The following GALNT2 variants were observed in gnomAD, a reference collection of about 807,000 sequenced individuals.
GALNT2 encodes the protein polypeptide N-acetylgalactosaminyltransferase 2.
Under a neutral mutation model 81.4 loss-of-function variants are expected in GALNT2, and 31 were observed. The ratio of observed to expected loss-of-function variants is 0.38; its 90% CI spans 0.29 to 0.51. The LOEUF is 0.51. GALNT2 is among the 20% of genes least tolerant of loss of function. GALNT2 has a pLI of 0.87. For synonymous variants in GALNT2, 303 were observed against 287.4 expected (o/e 1.05, Z -0.55); for missense variants, 629 against 765.7 (o/e 0.82, Z 2.11).
At chr1:230,208,470 G>A (rs147716346) in intron 3 of GALNT2, among the ~76,000 whole-genome samples, 1 of 152,286 alleles carries the variant, frequency 6.6e-6, no homozygotes, top group East Asian at 1.9e-4. Context: ...TGTTTTGTAG[G>A]TGGTGGGATA....
At chr1:230,062,530 C>T (rs1366319981), upstream of GALNT2, among the ~76,000 whole-genome samples, 2 of 152,218 alleles carry the variant, frequency 1.3e-5, no homozygotes, top group African/African-American at 4.8e-5. Flanking sequence ...CTTCCTCAAG[C>T]CCCTGGTGAC....
Position 230,193,845 on chromosome 1 carries a change from C to T in GALNT2, c.221-9292C>T, listed in dbSNP as rs1269915934. ...CGCTGTCTGGCTGTGTCTCTGGCTGCAGCCAGGTCCTAGAGTGTCAGCCAC... is the reference window on the plus strand; with the variant it reads ...CGCTGTCTGGCTGTGTCTCTGGCTGTAGCCAGGTCCTAGAGTGTCAGCCAC... On this transcript the variant is annotated intron_variant, in intron 2 of 15. Transcript: ENST00000366672. This position sits in a 1 kb window ranked among gnomAD's most constrained non-coding sequence, Gnocchi z 4.3. 6.6e-6 allele frequency among the ~76,000 whole-genome samples: 1 copy of T among 152,170 alleles called. No homozygotes were observed. Among genetic ancestry groups the T allele is most frequent in the Non-Finnish European group, 1.5e-5 (1 of 68,030 alleles).
intron 1 of GALNT2, among the ~76,000 whole-genome samples, chr1:230,100,212 T>C (rs1660361122): frequency 6.6e-6 from 1 of 152,032 alleles, no homozygotes; most frequent in Admixed American, 6.5e-5. Flanking sequence ...CTAATATTTC[T>C]CAAATGGCTC....
At chr1:230,062,985 C>A (rs984206616), upstream of GALNT2, among the ~76,000 whole-genome samples, 1 of 152,092 alleles carries the variant, frequency 6.6e-6, no homozygotes, top group Admixed American at 6.6e-5. Context: ...ACATCCTCAC[C>A]AACACTTGTT....
At chr1:230,227,054 CAGATATA>C in intron 3 of GALNT2, among the ~76,000 whole-genome samples, 1 of 141,650 alleles carries the variant, frequency 7.1e-6, no homozygotes, top group Admixed American at 6.7e-5. Context: ...TGTAAAAAAG[CAGATATA>C]ACTAAGATCA....
At chr1:230,211,015 T>C (rs370365081) in intron 3 of GALNT2, among the ~76,000 whole-genome samples, 6 of 152,176 alleles carry the variant, frequency 3.9e-5, no homozygotes, top group African/African-American at 1.4e-4. Context: ...GACTCAGAGT[T>C]TTCTTTTTAG....
chr1:230,221,282 C>T (rs959943497), intron 3 of GALNT2, among the ~76,000 whole-genome samples: 1 of 152,124 alleles, frequency 6.6e-6, no homozygotes, highest in South Asian at 2.1e-4. Context: ...TTAGCTAGCT[C>T]TCTGGTAATG....
Position 230,257,681 on chromosome 1 carries a change from A to G in GALNT2, c.1136+2337A>G, listed in dbSNP as rs577619089. Among the ~76,000 whole-genome samples, 5 of 152,310 alleles carry G rather than the reference A, an allele frequency of 3.3e-5. No homozygotes were observed. In the East Asian group the frequency reaches 7.7e-4, roughly 24 times the overall value. On this transcript the variant is annotated intron_variant, in intron 11 of 15. Coordinates refer to ENST00000366672, the MANE Select transcript of GALNT2 (RefSeq NM_004481.5). The surrounding 1 kb of genome is among the most constrained non-coding windows in gnomAD (Gnocchi z 4.6). Reference sequence around the variant, plus strand: ...GGTTGTATCCCTCTCATTAAGCAGCACCTGGCTGTACCTGGAGCAGGTGTG... The same window carrying G: ...GGTTGTATCCCTCTCATTAAGCAGCGCCTGGCTGTACCTGGAGCAGGTGTG...
At chr1:230,108,249 C>A (rs756057801) in intron 1 of GALNT2, among the ~76,000 whole-genome samples, 13 of 152,156 alleles carry the variant, frequency 8.5e-5, no homozygotes, top group East Asian at 1.9e-4. Flanking sequence ...TAATAAAGTT[C>A]TCCTAGGAAG....
intron 1 of GALNT2, among the ~76,000 whole-genome samples, chr1:230,075,401 G>T (rs1659512698): frequency 6.6e-6 from 1 of 152,110 alleles, no homozygotes; most frequent in South Asian, 2.1e-4. Context: ...GATTACAGGC[G>T]TGAGCCACCG....
At chr1:230,213,222 T>C (rs966343001) in intron 3 of GALNT2, among the ~76,000 whole-genome samples, 1 of 152,238 alleles carries the variant, frequency 6.6e-6, no homozygotes, top group Admixed American at 6.5e-5. Context: ...CAAGAAACTG[T>C]AGTCTTCCCG....
At chr1:230,185,303 C>CGT (rs1558129486) in intron 2 of GALNT2, among the ~76,000 whole-genome samples, 30 of 71,356 alleles carry the variant, frequency 4.2e-4, no homozygotes, top group African/African-American at 1.6e-3. Context: ...TGTGTGTGTG[C>CGT]GCGCGTGTGT....
chr1:230,265,433 T>C lies in GALNT2; in HGVS notation c.1440+66T>C, dbSNP rs1236919156. 13 of 1,602,926 alleles carry C rather than the reference T, an allele frequency of 8.1e-6. No homozygotes were observed. The Admixed American group carries it at 1.8e-4, about 23-fold the overall frequency. On this transcript the variant is annotated intron_variant, in intron 14 of 15. Coordinates refer to ENST00000366672, the MANE Select transcript of GALNT2 (RefSeq NM_004481.5). The stretch of plus-strand genomic sequence containing the variant: ...AGAGCAGGAGTTGGGGGGGTCCTGA[T>C]GTTAGAAGTCCCAGCTGCCACCTTT...
intron 1 of GALNT2, among the ~76,000 whole-genome samples, chr1:230,130,032 C>T (rs570033506): frequency 6.6e-6 from 1 of 152,378 alleles, no homozygotes; most frequent in Non-Finnish European, 1.5e-5. Context: ...CATGTTCTTA[C>T]TTGTAGAACG....
At chr1:230,124,584 G>A (rs1163180813) in intron 1 of GALNT2, among the ~76,000 whole-genome samples, 2 of 152,322 alleles carry the variant, frequency 1.3e-5, no homozygotes, top group East Asian at 3.8e-4. Context: ...TTTGGAGGAG[G>A]CAGGCAGCAC....
chr1:230,227,911 A>T (rs1664762350), intron 3 of GALNT2, among the ~76,000 whole-genome samples: 1 of 152,222 alleles, frequency 6.6e-6, no homozygotes, highest in Non-Finnish European at 1.5e-5. Context: ...AAGATGTGTA[A>T]CGAATGGAAA....
intron 3 of GALNT2, 36 bp from the exon 4 acceptor site, chr1:230,235,978 G>C: frequency 6.3e-7 from 1 of 1,598,660 alleles, no homozygotes; most frequent in Non-Finnish European, 8.6e-7. Flanking sequence ...TGCTCTGGGG[G>C]TCATTGTTCA....
Position 230,180,425 on chromosome 1 carries a change from C to T in GALNT2, c.220+2114C>T, listed in dbSNP as rs901852789. Among the ~76,000 whole-genome samples, 6 of 145,166 alleles carry T rather than the reference C, an allele frequency of 4.1e-5. No individual in the cohort carries two copies. The East Asian group carries it at 6.3e-4, about 15-fold the overall frequency. On this transcript the variant is annotated intron_variant, in intron 2 of 15. Coordinates refer to ENST00000366672, the MANE Select transcript of GALNT2 (RefSeq NM_004481.5). ...TTGTCAGAGATCAGTTGGCAATATTCGTATGGTTCTATATTGGAGCTCTTT... is the reference window on the plus strand; with the variant it reads ...TTGTCAGAGATCAGTTGGCAATATTTGTATGGTTCTATATTGGAGCTCTTT...
chr1:230,183,349 T>C (rs1663218738), intron 2 of GALNT2, among the ~76,000 whole-genome samples: 1 of 152,242 alleles, frequency 6.6e-6, no homozygotes, highest in Non-Finnish European at 1.5e-5. Context: ...TCTGTGTTTG[T>C]ACTTTTACCT....
Sources: allele counts gnomAD v4.1 joint callset (sites outside exome capture counted in the v4.1 genomes callset), GRCh38; gene constraint gnomAD v4.1.1; non-coding constraint Gnocchi (gnomAD v3.1); transcripts MANE v1.5; gene names NCBI Gene and HGNC (gene_info 2026-07-23, HGNC 2026-07-21).